ZNF274: variants seen among roughly 807,000 people sequenced by gnomAD.
ZNF274 encodes neurotrophin receptor-interacting factor homolog.
Under a neutral mutation model 42.5 loss-of-function variants are expected in ZNF274, and 23 were observed. That is an observed-to-expected ratio of 0.54 (90% CI 0.39 to 0.77). The LOEUF (loss-of-function observed/expected upper bound fraction) is 0.77, where lower values mean the gene tolerates loss of function less well. ZNF274 is among the 30% of genes least tolerant of loss of function. The pLI is 0.00. For missense variants in ZNF274, 679 were observed against 806.5 expected, an observed-to-expected ratio of 0.84 and a Z score of 1.91; for synonymous variants, 292 against 305.4, an observed-to-expected ratio of 0.96 and a Z score of 0.46.
At chr19:58,192,375 A>G (rs1425279364) in intron 4 of ZNF274, among the ~76,000 whole-genome samples, 1 of 152,180 alleles carries the variant, frequency 6.6e-6, no homozygotes, top group African/African-American at 2.4e-5. Flanking sequence ...CCTGAGAGTA[A>G]CAGCACATTT....
intron 4 of ZNF274, among the ~76,000 whole-genome samples, chr19:58,201,070 T>A (rs749368171): frequency 8.6e-5 from 13 of 151,552 alleles, no homozygotes; most frequent in Non-Finnish European, 1.8e-4. Flanking sequence ...AGTGGTGCGA[T>A]CATGACCCAC....
At position 58,201,065 on chromosome 19, in the gene ZNF274, T is replaced by C. The variant is rs373806472; in HGVS notation, c.257-5655T>C. 8.6e-5 allele frequency among the ~76,000 whole-genome samples: 13 copies of C among 151,550 alleles called. No homozygotes were observed. The East Asian group carries it at 2.3e-3, about 27-fold the overall frequency. On this transcript the variant is annotated intron_variant, in intron 4 of 7. Coordinates refer to ENST00000617501, the MANE Select transcript of ZNF274 (RefSeq NM_133502.3). The stretch of plus-strand genomic sequence containing the variant: ...TCTCACCTAGGCGGTAGTACAGTGG[T>C]GCGATCATGACCCACTGCAGCCTCG...
chr19:58,210,343 G>C (rs2076026037), intron 6 of ZNF274: 2 of 309,316 alleles, frequency 6.5e-6, no homozygotes, highest in African/African-American at 4.4e-5. Context: ...TGTTTACAGA[G>C]ACTTGAGAGG....
Position 58,185,719 on chromosome 19 carries a change from T to C in ZNF274, c.41T>C (p.Val14Ala). 6.9e-7 allele frequency: 1 copy of C among 1,443,776 alleles called. No individual in the cohort carries two copies. The highest frequency in any genetic ancestry group is 9.1e-7 in the Non-Finnish European group (1 of 1,092,966). The allele number at this position is 1,443,776 out of a possible 1,614,324, so 89.4% of individuals were successfully genotyped here. A position where few individuals can be genotyped will look rare whatever the true frequency, so the allele number is the denominator to read the frequency against. Reference sequence around the variant, plus strand: ...AAGAATCTGGATTTTTAGGAACCAGTGACCTTTGAAGATGTAACACTGGGT... The same window carrying C: ...AAGAATCTGGATTTTTAGGAACCAGCGACCTTTGAAGATGTAACACTGGGT... The part of the protein sequence containing the change: ...RLPTAWSCEP[V>A]TFEDVTLGFT... Residue 14 changes from valine to alanine, a missense_variant, in exon 3 of 8, where the codon GTG becomes GCG. Coordinates refer to ENST00000617501, the MANE Select transcript of ZNF274 (RefSeq NM_133502.3).
chr19:58,197,324 T>C (rs2075855743), intron 4 of ZNF274, among the ~76,000 whole-genome samples: 1 of 152,152 alleles, frequency 6.6e-6, no homozygotes, highest in African/African-American at 2.4e-5. Flanking sequence ...TCTCACCTTA[T>C]GTGACAGAAC....
chr19:58,206,129 TTGTC>T lies in ZNF274; in HGVS notation c.257-583_257-580del, dbSNP rs148005834. ...CATTTCCTAACAATTACTAATCTAC[TTGTC>T]TGTCTGTGGATTTTTATATTCTGGA... On this transcript the variant is annotated intron_variant, in intron 4 of 7. Coordinates refer to ENST00000617501, the MANE Select transcript of ZNF274 (RefSeq NM_133502.3). 8.2e-3 allele frequency among the ~76,000 whole-genome samples: 1,250 copies of T among 152,356 alleles called. 11 individuals carry two copies. Among genetic ancestry groups the T allele is most frequent in the African/African-American group, 0.027 (1,128 of 41,572 alleles).
At chr19:58,204,382 T>C (rs1309902437) in intron 4 of ZNF274, among the ~76,000 whole-genome samples, 2 of 151,992 alleles carry the variant, frequency 1.3e-5, no homozygotes, top group Non-Finnish European at 2.9e-5. Context: ...CTAGAGGCGT[T>C]GTAGGCGTCG....
intron 4 of ZNF274, among the ~76,000 whole-genome samples, chr19:58,205,607 T>G (rs1297704544): frequency 6.6e-6 from 1 of 152,196 alleles, no homozygotes; most frequent in Admixed American, 6.5e-5. Context: ...AGTGCAGGGA[T>G]CACAGGTGTG....
rs10416471 is a variant in ZNF274 at position 58,211,461 on chromosome 19, C to A, written c.853-99C>A. ...CCCAAAGCAGGAGAGTCCCTAGCACCGTGAGCTCTGTCAGAACCTCCCAGC... is the reference window on the plus strand; with the variant it reads ...CCCAAAGCAGGAGAGTCCCTAGCACAGTGAGCTCTGTCAGAACCTCCCAGC... On this transcript the variant is annotated intron_variant, in intron 6 of 7. Coordinates refer to ENST00000617501, the MANE Select transcript of ZNF274 (RefSeq NM_133502.3). The surrounding 1 kb of genome is among the most constrained non-coding windows in gnomAD (Gnocchi z 4.8). 6.9e-4 allele frequency: 1,007 copies of A among 1,465,000 alleles called. 10 individuals carry two copies. In the African/African-American group the frequency reaches 0.012, roughly 18 times the overall value. The allele number at this position is 1,465,000 out of a possible 1,614,324, so 90.8% of individuals were successfully genotyped here.
At chr19:58,188,618 AAAAT>A (rs1455079019) in intron 4 of ZNF274, among the ~76,000 whole-genome samples, 153 of 52,492 alleles carry the variant, frequency 2.9e-3, no homozygotes, top group African/African-American at 6.5e-3. Flanking sequence ...AAAAAAAAAA[AAAAT>A]ATATATATAT....
intron 4 of ZNF274, among the ~76,000 whole-genome samples, chr19:58,188,407 A>G (rs1332704603): frequency 2.7e-5 from 4 of 150,030 alleles, no homozygotes; most frequent in African/African-American, 9.8e-5. Flanking sequence ...GATCATTTGA[A>G]GTCGGGAGTT....
At position 58,213,266 on chromosome 19, in the gene ZNF274, A is replaced by T; in HGVS notation, c.*123A>T. 2 of 1,310,380 alleles carry T rather than the reference A, an allele frequency of 1.5e-6. No individual in the cohort carries two copies. Among genetic ancestry groups the T allele is most frequent in the Non-Finnish European group, 1.0e-6 (1 of 981,220 alleles). 81.2% of individuals were successfully genotyped at this position (1,310,380 alleles called of 1,614,324 possible). A position where few individuals can be genotyped will look rare whatever the true frequency, so the allele number is the denominator to read the frequency against. The stretch of plus-strand genomic sequence containing the variant: ...AGTATTGAGTGAGGACATTCCCAAA[A>T]CCAAAGGACAACTGAGGAGACTGCC... On this transcript the variant is annotated 3_prime_UTR_variant, in exon 8 of 8. Coordinates refer to ENST00000617501, the MANE Select transcript of ZNF274 (RefSeq NM_133502.3).
rs999506198 is a variant in ZNF274 at position 58,208,812 on chromosome 19, G to A, written c.740-1149G>A. ...TCACTATAACAGCAATAGGAAACTA[G>A]TTAGTTAGGTGCCAAGGAGACAGTT... On this transcript the variant is annotated intron_variant, in intron 5 of 7. Transcript: ENST00000617501. The surrounding 1 kb of genome is among the most constrained non-coding windows in gnomAD (Gnocchi z 4.5). 1.4e-4 allele frequency: 21 copies of A among 150,242 alleles called. No individual in the cohort carries two copies. The highest frequency in any genetic ancestry group is 4.8e-4 in the African/African-American group (20 of 41,356). The allele number at this position is 150,242 out of a possible 1,614,324, so 9.3% of individuals were successfully genotyped here. A position where few individuals can be genotyped will look rare whatever the true frequency, so the allele number is the denominator to read the frequency against.
At chr19:58,185,394 A>G (rs906155256) in intron 2 of ZNF274, 1 of 152,454 alleles carries the variant, frequency 6.6e-6, no homozygotes, top group East Asian at 1.9e-4. Flanking sequence ...ACTGCACTCC[A>G]CTAGGAGACA....
At chr19:58,184,029 C>A (rs1434986160) in intron 2 of ZNF274, 31 bp downstream of exon 2, 1 of 1,580,054 alleles carries the variant, frequency 6.3e-7, no homozygotes, top group Non-Finnish European at 8.6e-7. Context: ...GCTTTTGAGT[C>A]CGCTACTGCA....
chr19:58,209,490 C>G (rs1394650590), intron 5 of ZNF274: 1 of 152,942 alleles, frequency 6.5e-6, no homozygotes, highest in Non-Finnish European at 1.5e-5. Flanking sequence ...ACGTTCACCT[C>G]AAGATGGCTG....
rs1245343697 is a variant in ZNF274, at chr19:58,206,841, C to T, written c.378C>T (p.Ala126=). Residue 126 remains alanine (A), a synonymous_variant, in exon 5 of 8, where the codon GCC becomes GCT. Coordinates refer to ENST00000617501, the MANE Select transcript of ZNF274 (RefSeq NM_133502.3). ...AGGAGGTGGCTGGTCCCCGGAATGC[C>T]CAGATCCAGGCCCTATATGCTGAAG... is the stretch of plus-strand genomic sequence containing the variant. ...LNQEVAGPRN[A]QIQALYAEDG... is the part of the protein sequence containing the mutation. 1 of 1,614,020 alleles carries T rather than the reference C, an allele frequency of 6.2e-7. No individual in the cohort carries two copies. Among genetic ancestry groups the T allele is most frequent in the Non-Finnish European group, 8.5e-7 (1 of 1,179,892 alleles).
At chr19:58,200,545 T>C (rs1300429601) in intron 4 of ZNF274, among the ~76,000 whole-genome samples, 1 of 152,116 alleles carries the variant, frequency 6.6e-6, no homozygotes. Flanking sequence ...AGGTGACGTT[T>C]GAGCTCAGAC....
chr19:58,192,166 G>A (rs997006747), intron 4 of ZNF274, among the ~76,000 whole-genome samples: 1 of 152,192 alleles, frequency 6.6e-6, no homozygotes, highest in Non-Finnish European at 1.5e-5. Context: ...GTGACTGTCA[G>A]ATGGGAAAGA....
Sources: allele counts gnomAD v4.1 joint callset (sites outside exome capture counted in the v4.1 genomes callset), GRCh38; gene constraint gnomAD v4.1.1; non-coding constraint Gnocchi (gnomAD v3.1); transcripts MANE v1.5; gene names NCBI Gene and HGNC (gene_info 2026-07-23, HGNC 2026-07-21).